Variants in MTHFD1L observed in about 807,000 individuals in gnomAD.
MTHFD1L encodes monofunctional C1-tetrahydrofolate synthase, mitochondrial.
MTHFD1L carries 81 observed loss-of-function variants against 119.5 expected under a neutral mutation model. The observed-to-expected ratio is 0.68, with a 90% CI of 0.57 to 0.82. MTHFD1L has a LOEUF of 0.82. Among genes scored for constraint, MTHFD1L ranks in the 40% least tolerant of loss-of-function variants. The pLI is 0.00. For synonymous variants in MTHFD1L, 430 were observed against 475.2 expected (o/e 0.90, Z 1.24); for missense variants, 1,125 against 1,253.4 (o/e 0.90, Z 1.55).
intron 20 of MTHFD1L, among the ~76,000 whole-genome samples, chr6:151,006,808 T>G (rs1781468025): frequency 6.6e-6 from 1 of 152,094 alleles, no homozygotes; most frequent in Non-Finnish European, 1.5e-5. Flanking sequence ...ACAGGGTAGT[T>G]TAACACATAA....
At chr6:151,019,157 A>T (rs1783577569) in intron 24 of MTHFD1L, among the ~76,000 whole-genome samples, 1 of 151,364 alleles carries the variant, frequency 6.6e-6, no homozygotes, top group South Asian at 2.1e-4. Context: ...CACATGCCAG[A>T]GCCTTTCTAC....
At chr6:151,040,578 C>T (rs185897112) in intron 26 of MTHFD1L, among the ~76,000 whole-genome samples, 18 of 152,218 alleles carry the variant, frequency 1.2e-4, no homozygotes, top group African/African-American at 4.3e-4. Flanking sequence ...TCATGGCACG[C>T]ACCTGGAGTC....
At position 151,065,443 on chromosome 6, in the gene MTHFD1L, G is replaced by A. The variant is rs144546725; in HGVS notation, c.2848-27024G>A. 4.8e-3 allele frequency among the ~76,000 whole-genome samples: 729 copies of A among 152,254 alleles called. 12 individuals carry two copies. The highest frequency in any genetic ancestry group is 0.017 in the East Asian group (90 of 5,184). On this transcript the variant is annotated intron_variant, in intron 26 of 27. Transcript: ENST00000367321. ...GCTGCAAGTAAGAGAAACTCAACTC[G>A]AGCTTATTCAGAAAGAGGGGATGGA...
chr6:151,099,429 C>A, intron 27 of MTHFD1L: 1 of 820,068 alleles, frequency 1.2e-6, no homozygotes, highest in Non-Finnish European at 2.0e-6. Flanking sequence ...TACAGTGAGG[C>A]TGGCCGTGTC....
chr6:151,057,439 G>A, intron 26 of MTHFD1L: 1 of 655,008 alleles, frequency 1.5e-6, no homozygotes, highest in Non-Finnish European at 1.9e-6. Flanking sequence ...CCAGGAGTTT[G>A]AGACCAGCCT....
chr6:151,069,114 A>G (rs950220314), intron 26 of MTHFD1L, among the ~76,000 whole-genome samples: 7 of 152,198 alleles, frequency 4.6e-5, no homozygotes, highest in Admixed American at 2.0e-4. Context: ...AGGCAGGTCC[A>G]GGGGGCAAGA....
At chr6:150,939,681 C>CTATTTTT (rs1175796074) in intron 13 of MTHFD1L, among the ~76,000 whole-genome samples, 1 of 94,082 alleles carries the variant, frequency 1.1e-5, no homozygotes, top group Non-Finnish European at 2.1e-5. Flanking sequence ...TCCTTGCAGA[C>CTATTTTT]TCTTTTTTTT....
At chr6:150,979,679 T>C (rs943508432) in intron 20 of MTHFD1L, among the ~76,000 whole-genome samples, 11 of 152,020 alleles carry the variant, frequency 7.2e-5, no homozygotes, top group Non-Finnish European at 4.4e-5. Flanking sequence ...TTTGTATTTT[T>C]AGTAGAGATG....
intron 8 of MTHFD1L, among the ~76,000 whole-genome samples, chr6:150,910,038 G>A (rs887146647): frequency 8.6e-5 from 13 of 151,982 alleles, no homozygotes; most frequent in African/African-American, 2.7e-4. Flanking sequence ...AAAGTTAGCC[G>A]GGCATGGTGG....
At chr6:151,040,208 A>G (rs924044879) in intron 26 of MTHFD1L, among the ~76,000 whole-genome samples, 55 of 152,158 alleles carry the variant, frequency 3.6e-4, no homozygotes, top group Non-Finnish European at 1.3e-4. Context: ...GCAGTAGTTC[A>G]CCCAACAAAT....
In MTHFD1L at chr6:150,921,010, G is replaced by T. The variant is rs1788824506; in HGVS notation, c.985-1195G>T. ...CTTGTTGCCCAGGCTAGAGTGTAAT[G>T]TCGCAAACTCGGCTCACTGCAACCT... On this transcript the variant is annotated intron_variant, in intron 9 of 27. Coordinates refer to ENST00000367321, the MANE Select transcript of MTHFD1L (RefSeq NM_015440.5). 6.8e-5 allele frequency among the ~76,000 whole-genome samples: 9 copies of T among 132,926 alleles called. No homozygotes were observed. The Admixed American group carries it at 8.0e-4, about 12-fold the overall frequency. The allele number at this position is 132,926 out of a possible 152,430, so 87.2% of individuals were successfully genotyped here. A position where few individuals can be genotyped will look rare whatever the true frequency, so the allele number is the denominator to read the frequency against.
rs911914874 is a variant in MTHFD1L, at chr6:150,926,350, C to G, written c.1256+55C>G. The G allele has an allele frequency of 2.0e-6, 3 of 1,484,980 alleles. No homozygotes were observed. The South Asian group carries it at 3.6e-5, about 18-fold the overall frequency. The allele number at this position is 1,484,980 out of a possible 1,614,324, so 92.0% of individuals were successfully genotyped here. A position where few individuals can be genotyped will look rare whatever the true frequency, so the allele number is the denominator to read the frequency against. On this transcript the variant is annotated intron_variant, in intron 11 of 27. Transcript: ENST00000367321. This position sits in a 1 kb window ranked among gnomAD's most constrained non-coding sequence, Gnocchi z 4.3. ...AAGCAGACATATTTACAAAACTCTTCCCTATTTATCTCTCTCCTCGTACCC... is the reference window on the plus strand; with the variant it reads ...AAGCAGACATATTTACAAAACTCTTGCCTATTTATCTCTCTCCTCGTACCC...
intron 24 of MTHFD1L, among the ~76,000 whole-genome samples, chr6:151,018,447 C>T (rs1783465627): frequency 1.3e-5 from 2 of 152,182 alleles, no homozygotes. Context: ...GGGCGCTTTG[C>T]ACATGTTCAC....
Position 150,865,724 on chromosome 6 carries a change from G to A in MTHFD1L, c.-99G>A. ...GAGGAGGAAGCGCCAGGTCCTTCCC[G>A]CCGCCGCCGCCGCCGCCGCCGCCTG... On this transcript the variant is annotated 5_prime_UTR_variant, in exon 1 of 28. Transcript: ENST00000367321. The A allele has an allele frequency of 5.2e-6, 4 of 773,222 alleles. No homozygotes were observed. Among genetic ancestry groups the A allele is most frequent in the Non-Finnish European group, 6.5e-6 (4 of 615,604 alleles). 47.9% of individuals were successfully genotyped at this position (773,222 alleles called of 1,614,324 possible). A position where few individuals can be genotyped will look rare whatever the true frequency, so the allele number is the denominator to read the frequency against.
At chr6:151,090,074 T>G (rs961747401) in intron 26 of MTHFD1L, among the ~76,000 whole-genome samples, 14 of 152,192 alleles carry the variant, frequency 9.2e-5, no homozygotes, top group African/African-American at 3.4e-4. Context: ...TCATGTGCAA[T>G]TAGCAAGACA....
chr6:150,883,224 G>T (rs1021264517), intron 5 of MTHFD1L, among the ~76,000 whole-genome samples: 32 of 151,922 alleles, frequency 2.1e-4, no homozygotes, highest in African/African-American at 7.5e-4. Flanking sequence ...GTAGAGACGG[G>T]GTTTTACCAT....
intron 7 of MTHFD1L, among the ~76,000 whole-genome samples, chr6:150,902,017 A>G (rs1785168424): frequency 6.6e-6 from 1 of 152,112 alleles, no homozygotes; most frequent in Admixed American, 6.5e-5. Context: ...CTCATACCTC[A>G]GATTCTCATA....
chr6:151,058,181 G>T (rs2128594754), intron 26 of MTHFD1L, among the ~76,000 whole-genome samples: 1 of 152,310 alleles, frequency 6.6e-6, no homozygotes, highest in Middle Eastern at 3.4e-3. Flanking sequence ...AAGAGCTTAA[G>T]CTGGTTTATT....
Position 150,916,231 on chromosome 6 carries a change from T to C in MTHFD1L, c.893-2346T>C, listed in dbSNP as rs147042726. 1.6e-3 allele frequency among the ~76,000 whole-genome samples: 240 copies of C among 151,622 alleles called. 1 individual carries two copies. Among genetic ancestry groups the C allele is most frequent in the African/African-American group, 5.5e-3 (226 of 41,378 alleles). ...CTCTAAGGGAGGATGCAGGCTAAAG[T>C]ATTTAGCATGTGTGTTTACTTTTAT... On this transcript the variant is annotated intron_variant, in intron 8 of 27. Transcript: ENST00000367321.
Sources: allele counts gnomAD v4.1 joint callset (sites outside exome capture counted in the v4.1 genomes callset), GRCh38; gene constraint gnomAD v4.1.1; non-coding constraint Gnocchi (gnomAD v3.1); transcripts MANE v1.5; gene names NCBI Gene and HGNC (gene_info 2026-07-23, HGNC 2026-07-21).